Variants in MACROD2 observed in about 807,000 individuals in gnomAD.
MACROD2 encodes mono-ADP ribosylhydrolase 2, also known as ADP-ribose glycohydrolase MACROD2.
A neutral mutation model predicts 70.4 loss-of-function variants in MACROD2; 36 were observed. That is an observed-to-expected ratio of 0.51 (90% CI 0.39 to 0.68). MACROD2 has a LOEUF of 0.68. Ranked by LOEUF, MACROD2 falls within the 30% of genes least tolerant of loss-of-function variation. The pLI is 0.00. For missense variants in MACROD2, 496 were observed against 538.4 expected, an observed-to-expected ratio of 0.92 and a Z score of 0.78; for synonymous variants, 172 against 178.8, an observed-to-expected ratio of 0.96 and a Z score of 0.30.
chr20:15,953,130 GTT>G (rs1568664298), intron 12 of MACROD2, among the ~76,000 whole-genome samples: 3 of 152,126 alleles, frequency 2.0e-5, no homozygotes, highest in African/African-American at 7.2e-5. Context: ...AACACCGCAT[GTT>G]TTCACTCATA....
chr20:15,183,620 A>T (rs551396908), intron 5 of MACROD2, among the ~76,000 whole-genome samples: 1 of 152,314 alleles, frequency 6.6e-6, no homozygotes, highest in East Asian at 1.9e-4. Flanking sequence ...TTTCTGAAAT[A>T]ATTATCTTTT....
chr20:15,174,498 T>C (rs999780542), intron 5 of MACROD2, among the ~76,000 whole-genome samples: 1 of 152,196 alleles, frequency 6.6e-6, no homozygotes, highest in Non-Finnish European at 1.5e-5. Context: ...GCATGATTTA[T>C]AGTCCTTTGG....
At chr20:15,356,030 C>G (rs1486803225) in intron 6 of MACROD2, among the ~76,000 whole-genome samples, 1 of 152,152 alleles carries the variant, frequency 6.6e-6, no homozygotes, top group Non-Finnish European at 1.5e-5. Flanking sequence ...TGTAATGACT[C>G]CTTAAATGAT....
chr20:14,643,224 C>T (rs1311796052), intron 4 of MACROD2, among the ~76,000 whole-genome samples: 7 of 152,130 alleles, frequency 4.6e-5, no homozygotes, highest in Non-Finnish European at 8.8e-5. Flanking sequence ...AATTCTGGAG[C>T]CCCCACTGGG....
intron 10 of MACROD2, among the ~76,000 whole-genome samples, chr20:15,928,910 C>T (rs899466595): frequency 6.6e-6 from 1 of 152,078 alleles, no homozygotes; most frequent in African/African-American, 2.4e-5. Context: ...TGGGGAAATA[C>T]AAAATTAAAG....
At chr20:14,854,817 C>T (rs868103799) in intron 5 of MACROD2, among the ~76,000 whole-genome samples, 2 of 152,176 alleles carry the variant, frequency 1.3e-5, no homozygotes, top group Middle Eastern at 3.4e-3. Context: ...GAGATCGAGA[C>T]CATCCTGGCT....
chr20:15,159,774 G>GCA (rs1373220052), intron 5 of MACROD2, among the ~76,000 whole-genome samples: 6 of 151,234 alleles, frequency 4.0e-5, no homozygotes, highest in Non-Finnish European at 5.9e-5. Context: ...ACACGCATGG[G>GCA]CACACACACA....
chr20:14,367,502 G>A (rs1029737485), intron 3 of MACROD2, among the ~76,000 whole-genome samples: 1 of 152,086 alleles, frequency 6.6e-6, no homozygotes, highest in African/African-American at 2.4e-5. Flanking sequence ...GGTTTTCCTG[G>A]AACTGTCTTA....
chr20:15,694,559 G>A (rs2050340852), intron 8 of MACROD2, among the ~76,000 whole-genome samples: 1 of 152,006 alleles, frequency 6.6e-6, no homozygotes. Flanking sequence ...TTTTGGATGT[G>A]ATGTTTGTTT....
At chr20:15,061,241 C>T (rs150398906) in intron 5 of MACROD2, among the ~76,000 whole-genome samples, 234 of 152,298 alleles carry the variant, frequency 1.5e-3, no homozygotes, top group African/African-American at 5.4e-3. Context: ...CCGTACTCAC[C>T]TGTAAATGCT....
intron 5 of MACROD2, among the ~76,000 whole-genome samples, chr20:14,892,326 T>A (rs1296568314): frequency 6.6e-6 from 1 of 151,978 alleles, no homozygotes; most frequent in Non-Finnish European, 1.5e-5. Flanking sequence ...TCAAAAAAAA[T>A]TAGCCGGGCT....
intron 5 of MACROD2, among the ~76,000 whole-genome samples, chr20:14,870,861 G>A (rs986238610): frequency 6.6e-6 from 1 of 152,198 alleles, no homozygotes; most frequent in Non-Finnish European, 1.5e-5. Flanking sequence ...TTTGTGAGAT[G>A]CATAGTTAGC....
chr20:14,838,712 G>A (rs2073056275), intron 5 of MACROD2, among the ~76,000 whole-genome samples: 1 of 152,146 alleles, frequency 6.6e-6, no homozygotes, highest in Non-Finnish European at 1.5e-5. Flanking sequence ...ATACACTGAA[G>A]TGTGTTCACT....
intron 6 of MACROD2, among the ~76,000 whole-genome samples, chr20:15,244,944 T>C (rs2077092733): frequency 6.6e-6 from 1 of 152,212 alleles, no homozygotes; most frequent in African/African-American, 2.4e-5. Context: ...TTATTACTTA[T>C]AAGAGTTACT....
At chr20:14,960,644 A>G (rs2074575135) in intron 5 of MACROD2, among the ~76,000 whole-genome samples, 1 of 152,176 alleles carries the variant, frequency 6.6e-6, no homozygotes, top group Non-Finnish European at 1.5e-5. Flanking sequence ...TACTTTTAAA[A>G]TCCTGTCATT....
intron 5 of MACROD2, among the ~76,000 whole-genome samples, chr20:15,204,722 A>G (rs1215278844): frequency 6.6e-6 from 1 of 152,180 alleles, no homozygotes; most frequent in Non-Finnish European, 1.5e-5. Context: ...CTATAAATTC[A>G]GAACATAATG....
At chr20:14,873,264 T>C (rs767588706) in intron 5 of MACROD2, among the ~76,000 whole-genome samples, 1 of 152,184 alleles carries the variant, frequency 6.6e-6, no homozygotes, top group African/African-American at 2.4e-5. Context: ...CATTTATTAT[T>C]ATGACTTTCT....
intron 8 of MACROD2, among the ~76,000 whole-genome samples, chr20:15,797,530 T>C (rs1341981030): frequency 1.3e-5 from 1 of 78,816 alleles, no homozygotes; most frequent in East Asian, 5.9e-4. Context: ...GGATGGTCAT[T>C]TTTTATCAGC....
chr20:15,769,048 C>G (rs1439015114), intron 8 of MACROD2, among the ~76,000 whole-genome samples: 1 of 152,118 alleles, frequency 6.6e-6, no homozygotes, highest in Non-Finnish European at 1.5e-5. Context: ...TTACAATTAA[C>G]CTTTTTAATT....
Sources: gnomAD v4.1 joint callset for allele counts (sites outside exome capture counted in the v4.1 genomes callset) on GRCh38, gnomAD v4.1.1 for gene constraint, MANE v1.5 for transcripts, NCBI Gene and HGNC (gene_info 2026-07-23, HGNC 2026-07-21) for gene names.